DACH2: variants seen among roughly 807,000 people sequenced by gnomAD.
DACH2 encodes the protein dachshund family transcription factor 2, also known as dachshund homolog 2.
DACH2 carries 17 observed loss-of-function variants against 35.8 expected under a neutral mutation model. The ratio of observed to expected loss-of-function variants is 0.48; its 90% CI spans 0.33 to 0.71. The LOEUF is 0.71. Ranked by LOEUF, DACH2 falls within the 30% of genes least tolerant of loss-of-function variation. DACH2 has a pLI of 0.02. For missense variants in DACH2, 469 were observed against 472.7 expected, an observed-to-expected ratio of 0.99 and a Z score of 0.07; for synonymous variants, 195 against 177.3, an observed-to-expected ratio of 1.10 and a Z score of -0.79.
chrX:86,539,078 A>G (rs998994725), intron 3 of DACH2, among the ~76,000 whole-genome samples: 4 of 111,115 alleles, frequency 3.6e-5, no homozygotes, highest in African/African-American at 1.3e-4. Flanking sequence ...CCCCACCCAA[A>G]TCTCATCTCG....
intron 2 of DACH2, among the ~76,000 whole-genome samples, chrX:86,388,678 T>C (rs188162164): frequency 6.0e-4 from 67 of 111,966 alleles, no homozygotes; most frequent in African/African-American, 2.1e-3. Context: ...AGTGAGACAA[T>C]GGTCAAGATC....
intron 1 of DACH2, among the ~76,000 whole-genome samples, chrX:86,339,499 A>G (rs1461030721): frequency 8.9e-6 from 1 of 111,965 alleles, no homozygotes; most frequent in Non-Finnish European, 1.9e-5. Context: ...GCACTTTAAT[A>G]TATTTTAAAC....
rs201402475 is a variant in DACH2 at position 86,657,513 on chromosome X, C to A, written c.772+6346C>A. Among the ~76,000 whole-genome samples the A allele has an allele frequency of 1.4e-4, 16 of 111,303 alleles. No individual in the cohort carries two copies. The East Asian group carries it at 3.7e-3, about 25-fold the overall frequency. On this transcript the variant is annotated intron_variant, in intron 4 of 11. Coordinates refer to ENST00000373125, the MANE Select transcript of DACH2 (RefSeq NM_053281.3). Reference sequence around the variant, plus strand: ...CTGAAATCAAGCTGAGTGCATGTTACCTTTCCTGTTTTCTCCCTTATGAGT... The same window carrying A: ...CTGAAATCAAGCTGAGTGCATGTTAACTTTCCTGTTTTCTCCCTTATGAGT...
At chrX:86,633,525 C>T (rs2040227484) in intron 3 of DACH2, among the ~76,000 whole-genome samples, 1 of 111,512 alleles carries the variant, frequency 9.0e-6, no homozygotes, top group Non-Finnish European at 1.9e-5. Flanking sequence ...TTCTACCAGA[C>T]ATGCATAGAA....
intron 3 of DACH2, among the ~76,000 whole-genome samples, chrX:86,543,965 C>A (rs1163902120): frequency 9.1e-6 from 1 of 109,820 alleles, no homozygotes; most frequent in Non-Finnish European, 1.9e-5. Flanking sequence ...TGCACATGTA[C>A]CCTAAAACTT....
chrX:86,775,657 C>T (rs2042025124), intron 7 of DACH2, among the ~76,000 whole-genome samples: 1 of 111,792 alleles, frequency 8.9e-6, no homozygotes, highest in Non-Finnish European at 1.9e-5. Flanking sequence ...TCAGTTCATA[C>T]TGTTATTAAG....
At chrX:86,723,697 G>A (rs769046734) in intron 6 of DACH2, among the ~76,000 whole-genome samples, 3 of 111,724 alleles carry the variant, frequency 2.7e-5, no homozygotes, top group Non-Finnish European at 5.7e-5. Flanking sequence ...GTTGATATTT[G>A]TTCTGTGGCC....
intron 7 of DACH2, among the ~76,000 whole-genome samples, chrX:86,800,963 C>T (rs1452783879): frequency 9.0e-6 from 1 of 111,195 alleles, no homozygotes; most frequent in Non-Finnish European, 1.9e-5. Flanking sequence ...AGCCACTGTG[C>T]CCGGCGCAAC....
chrX:86,614,588 AC>A (rs2039983399), intron 3 of DACH2, among the ~76,000 whole-genome samples: 1 of 111,097 alleles, frequency 9.0e-6, no homozygotes, highest in Non-Finnish European at 1.9e-5. Flanking sequence ...TTTTTTTACC[AC>A]CTTCACAACA....
At chrX:86,640,652 G>T (rs1412655649) in intron 3 of DACH2, among the ~76,000 whole-genome samples, 1 of 110,751 alleles carries the variant, frequency 9.0e-6, no homozygotes, top group African/African-American at 3.3e-5. Context: ...GCTAAGGAGT[G>T]CCAAGTCATG....
chrX:86,659,418 T>C (rs1164736135), intron 4 of DACH2, among the ~76,000 whole-genome samples: 1 of 111,123 alleles, frequency 9.0e-6, no homozygotes, highest in African/African-American at 3.3e-5. Flanking sequence ...GGTCAGTTTG[T>C]ATGAAGCCAC....
At chrX:86,257,795 A>G (rs998023986) in intron 1 of DACH2, among the ~76,000 whole-genome samples, 4 of 112,255 alleles carry the variant, frequency 3.6e-5, no homozygotes, top group African/African-American at 1.3e-4. Flanking sequence ...CAATAACTAT[A>G]TAAAAATATT....
At chrX:86,404,399 T>G (rs1311739842) in intron 2 of DACH2, among the ~76,000 whole-genome samples, 1 of 111,572 alleles carries the variant, frequency 9.0e-6, no homozygotes. Context: ...CCATTCCAAA[T>G]GGGAGGAATT....
At chrX:86,472,160 G>T (rs2037770305) in intron 2 of DACH2, among the ~76,000 whole-genome samples, 1 of 111,991 alleles carries the variant, frequency 8.9e-6, no homozygotes, top group African/African-American at 3.2e-5. Flanking sequence ...GCACTTTCCT[G>T]CTTATAAGAT....
At chrX:86,577,895 G>T (rs955981753) in intron 3 of DACH2, among the ~76,000 whole-genome samples, 13 of 111,735 alleles carry the variant, frequency 1.2e-4, no homozygotes, top group African/African-American at 3.9e-4. Context: ...GGAAGGCCTG[G>T]AAGCTTCACA....
intron 1 of DACH2, chrX:86,161,499 AC>A: frequency 2.9e-6 from 1 of 349,143 alleles, no homozygotes; most frequent in Non-Finnish European, 4.9e-6. Flanking sequence ...ATTTCTTGAC[AC>A]CAGAGGAATT....
chrX:86,588,429 A>C (rs2039603240), intron 3 of DACH2, among the ~76,000 whole-genome samples: 1 of 112,159 alleles, frequency 8.9e-6, no homozygotes, highest in African/African-American at 3.2e-5. Flanking sequence ...TAGGAAGAAC[A>C]TTAAATCTGT....
At chrX:86,407,812 G>C (rs2036549126) in intron 2 of DACH2, among the ~76,000 whole-genome samples, 1 of 112,191 alleles carries the variant, frequency 8.9e-6, no homozygotes, top group Non-Finnish European at 1.9e-5. Flanking sequence ...AGAAGAATCT[G>C]TGATAACTGA....
chrX:86,293,904 G>A (rs4534268), intron 1 of DACH2, among the ~76,000 whole-genome samples: 20,285 of 109,853 alleles, frequency 0.18, 2,084 homozygotes, highest in African/African-American at 0.36. Flanking sequence ...TATGTGTCTT[G>A]GAGGTGCTCT....
Sources: gnomAD v4.1 joint callset for allele counts (sites outside exome capture counted in the v4.1 genomes callset) on GRCh38, gnomAD v4.1.1 for gene constraint, MANE v1.5 for transcripts, NCBI Gene and HGNC (gene_info 2026-07-23, HGNC 2026-07-21) for gene names.